SEMA3F: variants seen among roughly 807,000 people sequenced by gnomAD.
SEMA3F encodes the protein semaphorin 3F.
Under a neutral mutation model 98.5 loss-of-function variants are expected in SEMA3F, and 30 were observed. The ratio of observed to expected loss-of-function variants is 0.30; its 90% CI spans 0.23 to 0.41. The LOEUF (loss-of-function observed/expected upper bound fraction) is 0.41. SEMA3F is among the 10% of genes least tolerant of loss of function. SEMA3F has a pLI of 1.00. For synonymous variants in SEMA3F, 380 were observed against 444.8 expected (o/e 0.85, Z 1.83); for missense variants, 866 against 1,119.3 (o/e 0.77, Z 3.23).
intron 2 of SEMA3F, among the ~76,000 whole-genome samples, chr3:50,172,249 G>A (rs1034167016): frequency 3.3e-5 from 5 of 152,220 alleles, no homozygotes; most frequent in African/African-American, 9.6e-5. Context: ...CCTGTGCCAC[G>A]TGTATACATG....
Position 50,155,416 on chromosome 3 carries a change from C to G in SEMA3F, c.-197C>G, listed in dbSNP as rs1228664000. 1 of 274,198 alleles carries G rather than the reference C, an allele frequency of 3.6e-6. No individual in the cohort carries two copies. Among genetic ancestry groups the G allele is most frequent in the African/African-American group, 2.3e-5 (1 of 44,272 alleles). The allele number at this position is 274,198 out of a possible 1,614,324, so 17.0% of individuals were successfully genotyped here. The stretch of plus-strand genomic sequence containing the variant: ...CCCGCGGAACCGGTTAAGCCGCGGC[C>G]GCGGCGCCGATCCCGGCTGAGGCGC... On this transcript the variant is annotated 5_prime_UTR_variant, in exon 1 of 19. Coordinates refer to ENST00000002829, the MANE Select transcript of SEMA3F (RefSeq NM_004186.5). This position sits in a 1 kb window ranked among gnomAD's most constrained non-coding sequence, Gnocchi z 4.9.
chr3:50,178,039 C>T (rs910084346), intron 7 of SEMA3F, among the ~76,000 whole-genome samples: 23 of 151,988 alleles, frequency 1.5e-4, no homozygotes, highest in Non-Finnish European at 2.6e-4. Context: ...ATCAGGAGCT[C>T]GAGACCACCC....
At chr3:50,174,489 C>A in intron 5 of SEMA3F, 139 bp downstream of exon 5, 2 of 1,042,464 alleles carry the variant, frequency 1.9e-6, no homozygotes, top group South Asian at 1.6e-5. Flanking sequence ...TTTCACCTCG[C>A]TGAGCCTCAG....
chr3:50,188,195 A>T lies in SEMA3F; in HGVS notation c.*80A>T. 2.2e-6 allele frequency: 1 copy of T among 460,514 alleles called. No homozygotes were observed. Among genetic ancestry groups the T allele is most frequent in the Non-Finnish European group, 3.2e-6 (1 of 310,786 alleles). The allele number at this position is 460,514 out of a possible 1,614,324, so 28.5% of individuals were successfully genotyped here. A position where few individuals can be genotyped will look rare whatever the true frequency, so the allele number is the denominator to read the frequency against. ...AAAAGATATATATATATATATATAT[A>T]TATAAAATATCTATATTCTATACAC... On this transcript the variant is annotated 3_prime_UTR_variant, in exon 19 of 19. Coordinates refer to ENST00000002829, the MANE Select transcript of SEMA3F (RefSeq NM_004186.5). This position sits in a 1 kb window ranked among gnomAD's most constrained non-coding sequence, Gnocchi z 4.5.
At chr3:50,172,378 G>C (rs1559726719) in intron 2 of SEMA3F, among the ~76,000 whole-genome samples, 2 of 152,090 alleles carry the variant, frequency 1.3e-5, no homozygotes, top group African/African-American at 4.8e-5. Context: ...GTGGAGAGGG[G>C]GCTTGCCAAG....
At position 50,175,135 on chromosome 3, in the gene SEMA3F, G is replaced by A. The variant is rs530528855; in HGVS notation, c.496G>A (p.Gly166Ser). The change falls in exon 6 of 19, where the codon GGC becomes AGC. Residue 166 changes from glycine to serine, a missense_variant. Transcript: ENST00000002829. ...WTQTQAVRGR[G>S]SRATDGALRP... ...CCAGACTCAGGCGGTCAGAGGCCGCGGCAGCAGAGCCACGGATGGTGCCCT... is the reference window on the plus strand; with the variant it reads ...CCAGACTCAGGCGGTCAGAGGCCGCAGCAGCAGAGCCACGGATGGTGCCCT... The A allele has an allele frequency of 1.6e-5, 25 of 1,610,674 alleles. No individual in the cohort carries two copies. Among genetic ancestry groups the A allele is most frequent in the South Asian group, 1.3e-4 (12 of 90,612 alleles).
rs146135698 is a variant in SEMA3F at position 50,184,724 on chromosome 3, C to T, written c.1366C>T (p.Arg456Cys). ...TCTGCAGCGGCGGCCCCTGGTAGTC[C>T]GCACAGGTGCTCCCTACCGCCTTAC... ...YPLQRRPLVV[R>C]TGAPYRLTTI... Residue 456 changes from arginine to cysteine, a missense_variant, in exon 13 of 19, where the codon CGC (arginine) becomes TGC (cysteine). Physicochemically the swap from Arg to Cys is radical, Grantham distance 180. Around this residue, in one of 3 missense-constraint regions of SEMA3F, gnomAD observed 374 missense variants for 582.8 expected, o/e 0.64. Coordinates refer to ENST00000002829, the MANE Select transcript of SEMA3F (RefSeq NM_004186.5). The T allele has an allele frequency of 1.7e-5, 27 of 1,614,120 alleles. No individual in the cohort carries two copies. Among genetic ancestry groups the T allele is most frequent in the African/African-American group, 5.3e-5 (4 of 75,046 alleles).
intron 13 of SEMA3F, 43 bp from the exon 14 acceptor site, chr3:50,185,400 C>T: frequency 1.3e-6 from 2 of 1,549,608 alleles, no homozygotes; most frequent in Non-Finnish European, 1.8e-6. Context: ...ACCCCTTCCC[C>T]AGCATCCCCA....
At chr3:50,177,532 C>T (rs898827591) in intron 7 of SEMA3F, among the ~76,000 whole-genome samples, 3 of 152,200 alleles carry the variant, frequency 2.0e-5, no homozygotes, top group Non-Finnish European at 4.4e-5. Context: ...CTGGGAAAGG[C>T]CCTGGGGTCA....
chr3:50,176,490 T>A (rs1032324335), intron 6 of SEMA3F, among the ~76,000 whole-genome samples: 2 of 152,192 alleles, frequency 1.3e-5, no homozygotes, highest in African/African-American at 4.8e-5. Flanking sequence ...CCACTCCATG[T>A]CCATCTCATA....
chr3:50,165,949 G>T (rs1368954297), intron 2 of SEMA3F, among the ~76,000 whole-genome samples: 1 of 152,156 alleles, frequency 6.6e-6, no homozygotes, highest in Non-Finnish European at 1.5e-5. Flanking sequence ...TCGGGCTGAC[G>T]GGCTGGGCTG....
At chr3:50,185,778 C>T in intron 15 of SEMA3F, 71 bp downstream of exon 15, 1 of 1,609,994 alleles carries the variant, frequency 6.2e-7, no homozygotes, top group Non-Finnish European at 8.5e-7. Context: ...GCCCTTGGCA[C>T]AGGGATGGGT....
At chr3:50,179,473 A>G (rs1698944576) in intron 7 of SEMA3F, among the ~76,000 whole-genome samples, 1 of 151,900 alleles carries the variant, frequency 6.6e-6, no homozygotes, top group Non-Finnish European at 1.5e-5. Context: ...TTACAGGCGC[A>G]TGCCACCATG....
chr3:50,161,192 G>T (rs1222051129), intron 2 of SEMA3F, among the ~76,000 whole-genome samples: 1 of 152,160 alleles, frequency 6.6e-6, no homozygotes, highest in East Asian at 1.9e-4. Flanking sequence ...CTGGGACCTT[G>T]CGTCCGCTCT....
chr3:50,183,558 G>T lies in SEMA3F; in HGVS notation c.1227G>T (p.Pro409=). The part of the protein sequence containing the change: ...PFSGKMPYPR[P]GTCPGGTFTP... The stretch of plus-strand genomic sequence containing the variant: ...CAGGGAAGATGCCCTACCCACGGCC[G>T]GGCACGGTAAGGACCCCACTCATCC... Residue 409 remains proline (P), a synonymous_variant, in exon 12 of 19, where the codon CCG becomes CCT. Transcript: ENST00000002829. 2 of 1,613,848 alleles carry T rather than the reference G, an allele frequency of 1.2e-6. No individual in the cohort carries two copies. The highest frequency in any genetic ancestry group is 1.7e-6 in the Non-Finnish European group (2 of 1,179,950).
intron 16 of SEMA3F, 74 bp downstream of exon 16, chr3:50,186,120 T>G (rs981607566): frequency 1.3e-6 from 2 of 1,511,750 alleles, no homozygotes; most frequent in Non-Finnish European, 1.8e-6. Context: ...GGGGTGCATG[T>G]GATATTACCC....
At chr3:50,186,124 A>G in intron 16 of SEMA3F, 78 bp downstream of exon 16, 2 of 1,506,602 alleles carry the variant, frequency 1.3e-6, no homozygotes, top group Non-Finnish European at 1.8e-6. Flanking sequence ...TGCATGTGAT[A>G]TTACCCGGGG....
At chr3:50,164,437 C>T (rs949862967) in intron 2 of SEMA3F, among the ~76,000 whole-genome samples, 7 of 152,230 alleles carry the variant, frequency 4.6e-5, no homozygotes, top group African/African-American at 1.7e-4. Context: ...AGAGTGGGCT[C>T]TTGGCTGTCT....
intron 18 of SEMA3F, among the ~76,000 whole-genome samples, chr3:50,187,422 CAAAAAAAAAA>C (rs901489365): frequency 1.0e-4 from 6 of 58,936 alleles, no homozygotes; most frequent in Admixed American, 1.6e-4. Context: ...GACCTTGTCT[CAAAAAAAAAA>C]AAAAAAAAAA....
Sources: allele counts gnomAD v4.1 joint callset (sites outside exome capture counted in the v4.1 genomes callset), GRCh38; gene constraint gnomAD v4.1.1; regional missense constraint gnomAD v4.1.1; non-coding constraint Gnocchi (gnomAD v3.1); transcripts MANE v1.5; gene names NCBI Gene and HGNC (gene_info 2026-07-23, HGNC 2026-07-21).